Variants in TDRD5 observed in about 807,000 individuals in gnomAD.
TDRD5 encodes tudor domain containing 5.
In TDRD5, 41 loss-of-function variants were observed where a neutral mutation model predicts 120.6. The ratio of observed to expected loss-of-function variants is 0.34; its 90% CI spans 0.26 to 0.44. The LOEUF (loss-of-function observed/expected upper bound fraction) is 0.44, where lower values mean the gene tolerates loss of function less well. Ranked by LOEUF, TDRD5 falls within the 20% of genes least tolerant of loss-of-function variation. The pLI is 1.00. For missense variants in TDRD5, 1,006 were observed against 1,221.2 expected (o/e 0.82, Z 2.63); for synonymous variants, 430 against 433.7 (o/e 0.99, Z 0.11).
intron 12 of TDRD5, among the ~76,000 whole-genome samples, chr1:179,651,529 G>A (rs1330988624): frequency 4.7e-5 from 7 of 147,920 alleles, no homozygotes; most frequent in African/African-American, 1.7e-4. Context: ...CTCCTATTTT[G>A]CAATTATTGA....
At chr1:179,626,228 GAAAA>G (rs1353187885) in intron 6 of TDRD5, among the ~76,000 whole-genome samples, 2 of 145,342 alleles carry the variant, frequency 1.4e-5, no homozygotes, top group Non-Finnish European at 3.1e-5. Context: ...ATAATAAAAA[GAAAA>G]AAAAGAAGTA....
At chr1:179,672,978 A>G (rs1310208198) in intron 17 of TDRD5, among the ~76,000 whole-genome samples, 2 of 152,090 alleles carry the variant, frequency 1.3e-5, no homozygotes, top group African/African-American at 2.4e-5. Context: ...TGCCGGTACC[A>G]TGCTGTTTTG....
At position 179,638,666 on chromosome 1, in the gene TDRD5, G is replaced by T. The variant is rs941594858; in HGVS notation, c.1521-1173G>T. 1.6e-5 allele frequency among the ~76,000 whole-genome samples: 2 copies of T among 127,186 alleles called. 1 individual carries two copies. The highest frequency in any genetic ancestry group is 3.5e-5 in the Non-Finnish European group (2 of 57,580). 83.4% of individuals were successfully genotyped at this position (127,186 alleles called of 152,430 possible). ...GTGTTGTCCCTGTTCACGTGGTCTT[G>T]GGTGTGGCTGACCACTACCACCACC... is the stretch of plus-strand genomic sequence containing the variant. On this transcript the variant is annotated intron_variant, in intron 9 of 17. Transcript: ENST00000444136.
intron 6 of TDRD5, among the ~76,000 whole-genome samples, chr1:179,629,975 T>C (rs1677344787): frequency 6.6e-6 from 1 of 150,682 alleles, no homozygotes; most frequent in Non-Finnish European, 1.5e-5. Flanking sequence ...GCTCATTTAT[T>C]CCAACTTTTT....
At chr1:179,659,280 G>C (rs1441027406) in intron 14 of TDRD5, among the ~76,000 whole-genome samples, 1 of 152,162 alleles carries the variant, frequency 6.6e-6, no homozygotes, top group Non-Finnish European at 1.5e-5. Flanking sequence ...CAGTTCTTCT[G>C]ATCCTTGCTA....
intron 11 of TDRD5, among the ~76,000 whole-genome samples, chr1:179,650,046 T>C (rs1442897805): frequency 1.3e-5 from 2 of 152,208 alleles, no homozygotes; most frequent in African/African-American, 4.8e-5. Flanking sequence ...CTCAGTTTAA[T>C]GAAGGAAAGT....
chr1:179,689,904 A>C (rs1417202131), intron 17 of TDRD5, among the ~76,000 whole-genome samples: 3 of 152,182 alleles, frequency 2.0e-5, no homozygotes, highest in African/African-American at 7.2e-5. Context: ...GTGTTGGAAA[A>C]GTGCAGTATT....
rs912738534 is a variant in TDRD5 at position 179,645,082 on chromosome 1, T to C, written c.1800+4637T>C. Among the ~76,000 whole-genome samples the C allele has an allele frequency of 6.5e-5, 8 of 123,136 alleles. No homozygotes were observed. In the East Asian group the frequency reaches 1.3e-3, roughly 20 times the overall value. The allele number at this position is 123,136 out of a possible 152,430, so 80.8% of individuals were successfully genotyped here. ...TCAGTTTATAAACATTTTTCTTTTT[T>C]TTTTTTTTTTTTTTTTTTTTTGAGA... On this transcript the variant is annotated intron_variant, in intron 11 of 17. Coordinates refer to ENST00000444136, the MANE Select transcript of TDRD5 (RefSeq NM_001199085.3).
At chr1:179,661,416 T>C (rs1473966178) in intron 14 of TDRD5, among the ~76,000 whole-genome samples, 1 of 152,104 alleles carries the variant, frequency 6.6e-6, no homozygotes, top group Non-Finnish European at 1.5e-5. Context: ...TTTTTTTCTC[T>C]TTTGTTTAGA....
intron 4 of TDRD5, among the ~76,000 whole-genome samples, chr1:179,604,737 A>C (rs1016297333): frequency 6.6e-6 from 1 of 152,016 alleles, no homozygotes; most frequent in Admixed American, 6.6e-5. Context: ...TGTCTGAAAA[A>C]GTGCTTGATA....
chr1:179,674,183 T>G (rs1350354146), intron 17 of TDRD5, among the ~76,000 whole-genome samples: 4 of 152,234 alleles, frequency 2.6e-5, no homozygotes, highest in Admixed American at 6.5e-5. Flanking sequence ...GGCTGTGAGT[T>G]TGTCATAGAT....
Position 179,640,441 on chromosome 1 carries a change from T to A in TDRD5, c.1796T>A (p.Val599Glu), listed in dbSNP as rs183321034. ...TGTTCTTTGGCTTGGGTGAGACCAG[T>A]AGAGGTATGTTTGCTTGTCTCCCAT... The part of the protein sequence containing the change: ...IPCSLAWVRP[V>E]EEHWTSKAIL... The change falls in exon 11 of 18, where the codon GTA becomes GAA. Residue 599 changes from valine (V) to glutamate (E), a missense_variant. Coordinates refer to ENST00000444136, the MANE Select transcript of TDRD5 (RefSeq NM_001199085.3). The A allele has an allele frequency of 4.6e-5, 74 of 1,614,082 alleles. No homozygotes were observed. In the Admixed American group the frequency reaches 1.2e-3, roughly 26 times the overall value.
chr1:179,691,200 A>G lies in TDRD5; in HGVS notation c.*257A>G, dbSNP rs991852241. 5.9e-6 allele frequency: 2 copies of G among 338,728 alleles called. No homozygotes were observed. Among genetic ancestry groups the G allele is most frequent in the Non-Finnish European group, 5.2e-6 (1 of 194,108 alleles). 21.0% of individuals were successfully genotyped at this position (338,728 alleles called of 1,614,324 possible). A position where few individuals can be genotyped will look rare whatever the true frequency, so the allele number is the denominator to read the frequency against. On this transcript the variant is annotated 3_prime_UTR_variant, in exon 18 of 18. Transcript: ENST00000444136. ...TTCACCTTTGTTTTTAATGTAGTTT[A>G]AAGGAATTTGTTTTTTTGTGTTTGT...
chr1:179,624,862 A>T (rs1001476849), intron 6 of TDRD5, among the ~76,000 whole-genome samples: 1 of 152,166 alleles, frequency 6.6e-6, no homozygotes, highest in Non-Finnish European at 1.5e-5. Flanking sequence ...CTTGCGGGCT[A>T]TTCGTAGATA....
intron 14 of TDRD5, among the ~76,000 whole-genome samples, chr1:179,659,557 G>A (rs1384942623): frequency 1.8e-5 from 2 of 112,368 alleles, no homozygotes; most frequent in Non-Finnish European, 4.2e-5. Flanking sequence ...TTTCGTGTGT[G>A]TGTGTGTGTG....
chr1:179,688,413 C>T (rs531789901), intron 17 of TDRD5, among the ~76,000 whole-genome samples: 64 of 152,290 alleles, frequency 4.2e-4, no homozygotes, highest in South Asian at 1.0e-3. Context: ...CAGAGAGATA[C>T]GCTGTTAGTC....
intron 14 of TDRD5, among the ~76,000 whole-genome samples, chr1:179,660,566 A>G (rs575208079): frequency 1.5e-4 from 23 of 152,008 alleles, no homozygotes; most frequent in Admixed American, 6.6e-4. Context: ...GACTTTTACA[A>G]TGTACTTAGT....
In TDRD5 at chr1:179,622,345, G is replaced by T. The variant is rs1240383225; in HGVS notation, c.972+1254G>T. Among the ~76,000 whole-genome samples the T allele has an allele frequency of 3.3e-5, 5 of 152,092 alleles. No individual in the cohort carries two copies. The East Asian group carries it at 9.6e-4, about 29-fold the overall frequency. On this transcript the variant is annotated intron_variant, in intron 6 of 17. Coordinates refer to ENST00000444136, the MANE Select transcript of TDRD5 (RefSeq NM_001199085.3). ...CTCCAAAAGAGCATAAAAGATTCCA[G>T]ATTCTCTACAATACATCTATCATGA...
chr1:179,651,957 T>C (rs1678740611), intron 12 of TDRD5, 82 bp from the exon 13 acceptor site: 1 of 1,423,020 alleles, frequency 7.0e-7, no homozygotes, highest in Non-Finnish European at 9.7e-7. Flanking sequence ...TTCCATAGCA[T>C]TTGAAAGTTA....
Sources: allele counts gnomAD v4.1 joint callset (sites outside exome capture counted in the v4.1 genomes callset), GRCh38; gene constraint gnomAD v4.1.1; transcripts MANE v1.5; gene names NCBI Gene and HGNC (gene_info 2026-07-23, HGNC 2026-07-21).